The following AHCYL2 variants were observed in gnomAD, a reference collection of about 807,000 sequenced individuals.
The protein encoded by AHCYL2 is adenosylhomocysteinase like 2.
AHCYL2 carries 28 observed loss-of-function variants against 81.4 expected under a neutral mutation model. The observed-to-expected ratio is 0.34, with a 90% CI of 0.25 to 0.47. AHCYL2 has a LOEUF of 0.47. AHCYL2 is among the 20% of genes least tolerant of loss of function. AHCYL2 has a pLI of 1.00. For synonymous variants in AHCYL2, 272 were observed against 290.2 expected, an observed-to-expected ratio of 0.94 and a Z score of 0.64; for missense variants, 551 against 785.1, an observed-to-expected ratio of 0.70 and a Z score of 3.56.
intron 1 of AHCYL2, among the ~76,000 whole-genome samples, chr7:129,294,159 A>G (rs544586923): frequency 5.2e-4 from 79 of 152,342 alleles, no homozygotes; most frequent in African/African-American, 1.7e-3. Flanking sequence ...TAGAACAATT[A>G]CTTTGTGTAC....
chr7:129,294,812 A>G (rs1353321496), intron 1 of AHCYL2, among the ~76,000 whole-genome samples: 2 of 152,182 alleles, frequency 1.3e-5, no homozygotes, highest in African/African-American at 2.4e-5. Context: ...TAGATCCACT[A>G]TTAACGTGTA....
chr7:129,341,673 T>C (rs1793190382), intron 1 of AHCYL2, among the ~76,000 whole-genome samples: 1 of 151,760 alleles, frequency 6.6e-6, no homozygotes, highest in Non-Finnish European at 1.5e-5. Flanking sequence ...CAGATGAAGA[T>C]GGAATGGAGG....
At chr7:129,312,684 T>C (rs1797700842) in intron 1 of AHCYL2, among the ~76,000 whole-genome samples, 1 of 152,172 alleles carries the variant, frequency 6.6e-6, no homozygotes, top group African/African-American at 2.4e-5. Context: ...TTTTTTTATT[T>C]GAAAAAATTG....
intron 6 of AHCYL2, among the ~76,000 whole-genome samples, chr7:129,403,010 C>T (rs910692660): frequency 6.6e-6 from 1 of 151,564 alleles, no homozygotes; most frequent in African/African-American, 2.4e-5. Context: ...TATTTAAAGT[C>T]CCTTTAGGCT....
At chr7:129,377,743 G>A in intron 1 of AHCYL2, 5 of 374,404 alleles carry the variant, frequency 1.3e-5, no homozygotes, top group South Asian at 8.4e-5. Context: ...TCAATAAATT[G>A]TATGAGCTTT....
chr7:129,297,342 C>T (rs1276400114), intron 1 of AHCYL2, among the ~76,000 whole-genome samples: 1 of 152,094 alleles, frequency 6.6e-6, no homozygotes, highest in East Asian at 1.9e-4. Flanking sequence ...CTGAGTTGTG[C>T]ATACTGCTGA....
intron 1 of AHCYL2, among the ~76,000 whole-genome samples, chr7:129,324,124 C>T (rs553319190): frequency 1.3e-5 from 2 of 152,164 alleles, no homozygotes; most frequent in South Asian, 2.1e-4. Context: ...CTTTGATGAT[C>T]CACCCGCCTT....
At chr7:129,315,080 A>G (rs1055643740) in intron 1 of AHCYL2, among the ~76,000 whole-genome samples, 1 of 152,092 alleles carries the variant, frequency 6.6e-6, no homozygotes, top group Non-Finnish European at 1.5e-5. Context: ...ATAGGCTGAA[A>G]TGGCCATCTT....
At chr7:129,332,001 A>G (rs1198483176) in intron 1 of AHCYL2, among the ~76,000 whole-genome samples, 1 of 151,996 alleles carries the variant, frequency 6.6e-6, no homozygotes, top group Non-Finnish European at 1.5e-5. Flanking sequence ...GGAGTGGGAA[A>G]GCTGGGACTC....
intron 1 of AHCYL2, among the ~76,000 whole-genome samples, chr7:129,257,552 G>C (rs1270822837): frequency 6.6e-6 from 1 of 152,164 alleles, no homozygotes; most frequent in Non-Finnish European, 1.5e-5. Flanking sequence ...TGGAAGTATG[G>C]ACTGGTCTGA....
chr7:129,232,659 T>C (rs1037832519), intron 1 of AHCYL2, among the ~76,000 whole-genome samples: 11 of 152,216 alleles, frequency 7.2e-5, no homozygotes, highest in Admixed American at 2.0e-4. Flanking sequence ...TTCTTTACAA[T>C]ATCCCCCTCC....
intron 8 of AHCYL2, 87 bp downstream of exon 8, chr7:129,405,300 A>G (rs1796247433): frequency 2.3e-6 from 2 of 856,602 alleles, no homozygotes; most frequent in East Asian, 2.8e-5. Flanking sequence ...GAAAGGATTC[A>G]TGTAGCACCT....
intron 1 of AHCYL2, among the ~76,000 whole-genome samples, chr7:129,277,277 T>TG (rs1364156384): frequency 3.0e-5 from 4 of 132,306 alleles, no homozygotes; most frequent in Non-Finnish European, 5.0e-5. Flanking sequence ...AAAGTCTCTC[T>TG]CTTTTTTTTT....
chr7:129,241,385 G>T (rs1446391021), intron 1 of AHCYL2, among the ~76,000 whole-genome samples: 1 of 152,170 alleles, frequency 6.6e-6, no homozygotes, highest in Non-Finnish European at 1.5e-5. Context: ...GAGGTCAGGA[G>T]TTCGAGACCA....
intron 1 of AHCYL2, among the ~76,000 whole-genome samples, chr7:129,299,275 T>C (rs1354015878): frequency 9.8e-6 from 1 of 102,006 alleles, no homozygotes; most frequent in South Asian, 3.6e-4. Flanking sequence ...AGTCCCCTCC[T>C]CTACCAAAAA....
At chr7:129,296,527 A>G (rs1297062099) in intron 1 of AHCYL2, among the ~76,000 whole-genome samples, 1 of 152,102 alleles carries the variant, frequency 6.6e-6, no homozygotes, top group Non-Finnish European at 1.5e-5. Context: ...TGGGCAACAT[A>G]CTGAGACCCC....
chr7:129,420,118 C>A (rs930352204), intron 12 of AHCYL2, among the ~76,000 whole-genome samples: 1 of 152,310 alleles, frequency 6.6e-6, no homozygotes, highest in Admixed American at 6.5e-5. Context: ...TACAGCATAG[C>A]CATTCCAGTG....
chr7:129,302,496 G>T (rs1243436012), intron 1 of AHCYL2, among the ~76,000 whole-genome samples: 4 of 152,126 alleles, frequency 2.6e-5, no homozygotes, highest in Admixed American at 6.5e-5. Flanking sequence ...CTGGCTGTGG[G>T]TTGTTGTATA....
rs117045262 is a variant in AHCYL2, at chr7:129,256,448, C to T, written c.363+31009C>T. On this transcript the variant is annotated intron_variant, in intron 1 of 16. Transcript: ENST00000325006. The stretch of plus-strand genomic sequence containing the variant: ...ACTTTTTTGTCTTTCCTTGAATAAA[C>T]CAATAAAATACTTATATCCTTTTGA... Among the ~76,000 whole-genome samples, 706 of 151,626 alleles carry T rather than the reference C, an allele frequency of 4.7e-3. 2 individuals are homozygous for T. The highest frequency in any genetic ancestry group is 7.3e-3 in the Non-Finnish European group (498 of 67,958).
Sources: gnomAD v4.1 joint callset for allele counts (sites outside exome capture counted in the v4.1 genomes callset) on GRCh38, gnomAD v4.1.1 for gene constraint, MANE v1.5 for transcripts, NCBI Gene and HGNC (gene_info 2026-07-23, HGNC 2026-07-21) for gene names.